The following GOLT1A variants were observed in gnomAD, a reference collection of about 807,000 sequenced individuals.
GOLT1A encodes vesicle transport protein GOT1A.
A neutral mutation model predicts 16.1 loss-of-function variants in GOLT1A; 10 were observed. The observed-to-expected ratio is 0.62, with a 90% CI of 0.38 to 1.05. The LOEUF (loss-of-function observed/expected upper bound fraction) is 1.05, where lower values mean the gene tolerates loss of function less well. Among genes scored for constraint, GOLT1A ranks in the 50% least tolerant of loss-of-function variants. The pLI, the probability that GOLT1A is intolerant of heterozygous loss-of-function variation, is 0.01. For synonymous variants in GOLT1A, 60 were observed against 67.9 expected, an observed-to-expected ratio of 0.88 and a Z score of 0.57; for missense variants, 137 against 165.7, an observed-to-expected ratio of 0.83 and a Z score of 0.95.
At chr1:204,202,847 T>C in intron 2 of GOLT1A, 49 bp downstream of exon 2, 1 of 1,343,552 alleles carries the variant, frequency 7.4e-7, no homozygotes, top group Non-Finnish European at 1.1e-6. Flanking sequence ...AATAGAGACT[T>C]CAGAAAGGTT....
In GOLT1A at chr1:204,201,186, C is replaced by T. The variant is rs962759705; in HGVS notation, c.296+447G>A. Among the ~76,000 whole-genome samples the T allele has an allele frequency of 7.5e-4, 114 of 152,226 alleles. 3 individuals carry two copies. The highest frequency in any genetic ancestry group is 1.9e-4 in the Non-Finnish European group (13 of 68,046). Reference sequence around the variant, plus strand: ...CCTGGGTTAAGGGCGACCTTTTTCACATACTAGTTTGAGACTTTGGGCCGG... The same window carrying T: ...CCTGGGTTAAGGGCGACCTTTTTCATATACTAGTTTGAGACTTTGGGCCGG... On this transcript the variant is annotated intron_variant, in intron 3 of 4. Transcript: ENST00000308302.
At chr1:204,205,635 A>G (rs1398413962) in intron 1 of GOLT1A, among the ~76,000 whole-genome samples, 2 of 152,266 alleles carry the variant, frequency 1.3e-5, no homozygotes, top group Non-Finnish European at 2.9e-5. Flanking sequence ...TTTTATTTAC[A>G]ACTGAAAGAA....
chr1:204,208,775 T>C (rs1659094308), intron 1 of GOLT1A, among the ~76,000 whole-genome samples: 1 of 151,708 alleles, frequency 6.6e-6, no homozygotes, highest in African/African-American at 2.4e-5. Flanking sequence ...GGGTGATGGG[T>C]GCACCAAAAT....
chr1:204,206,100 A>G (rs1200542733), intron 1 of GOLT1A, among the ~76,000 whole-genome samples: 1 of 152,206 alleles, frequency 6.6e-6, no homozygotes, highest in East Asian at 1.9e-4. Context: ...AAATACAGTG[A>G]TAAGATCTAG....
chr1:204,208,383 T>C (rs12098013), intron 1 of GOLT1A, among the ~76,000 whole-genome samples: 90 of 85,050 alleles, frequency 1.1e-3, no homozygotes, highest in Non-Finnish European at 2.9e-4. Context: ...TATACACATA[T>C]ACACACATAT....
intron 1 of GOLT1A, among the ~76,000 whole-genome samples, chr1:204,204,530 T>C (rs1182821095): frequency 6.6e-6 from 1 of 152,252 alleles, no homozygotes; most frequent in Non-Finnish European, 1.5e-5. Flanking sequence ...ACCCTGCATT[T>C]TGTTGATCCA....
intron 3 of GOLT1A, among the ~76,000 whole-genome samples, chr1:204,199,501 G>A (rs1284337462): frequency 6.6e-6 from 1 of 152,094 alleles, no homozygotes; most frequent in Non-Finnish European, 1.5e-5. Flanking sequence ...ATACACTTGG[G>A]CAAATTCCTT....
intron 3 of GOLT1A, among the ~76,000 whole-genome samples, chr1:204,200,880 C>A (rs531161219): frequency 1.3e-5 from 2 of 152,294 alleles, no homozygotes; most frequent in Non-Finnish European, 2.9e-5. Context: ...TCCACACCAC[C>A]GTGTAGACAT....
intron 3 of GOLT1A, among the ~76,000 whole-genome samples, chr1:204,200,503 T>C (rs1167115652): frequency 6.6e-6 from 1 of 151,354 alleles, no homozygotes; most frequent in Non-Finnish European, 1.5e-5. Flanking sequence ...TTTTTTTGTA[T>C]TTTTAGTAGA....
intron 1 of GOLT1A, among the ~76,000 whole-genome samples, chr1:204,210,278 A>T (rs1290833850): frequency 6.6e-6 from 1 of 152,032 alleles, no homozygotes; most frequent in Non-Finnish European, 1.5e-5. Flanking sequence ...TTTTCTTCCT[A>T]CTGCTCTAAC....
At chr1:204,201,545 T>C in intron 3 of GOLT1A, 88 bp downstream of exon 3, 1 of 1,343,272 alleles carries the variant, frequency 7.4e-7, no homozygotes, top group Middle Eastern at 2.2e-4. Context: ...CAGGATAAAG[T>C]CCCAGCTTCT....
intron 4 of GOLT1A, chr1:204,198,977 A>G (rs2102333722): frequency 7.0e-6 from 4 of 574,536 alleles, no homozygotes; most frequent in South Asian, 2.2e-5. Context: ...ACACTCAGCT[A>G]CAACTGCGTC....
Position 204,198,450 on chromosome 1 carries a change from T to C in GOLT1A, c.*8A>G, listed in dbSNP as rs1350415216. 1 of 1,613,378 alleles carries C rather than the reference T, an allele frequency of 6.2e-7. No homozygotes were observed. The highest frequency in any genetic ancestry group is 8.5e-7 in the Non-Finnish European group (1 of 1,179,608). On this transcript the variant is annotated 3_prime_UTR_variant, in exon 5 of 5. Coordinates refer to ENST00000308302, the MANE Select transcript of GOLT1A (RefSeq NM_198447.2). Reference sequence around the variant, plus strand: ...ATGATCCAAGTTCAAGGAGCTCATCTCTGTTTTTCAGACCATCGAGCTAGT... The same window carrying C: ...ATGATCCAAGTTCAAGGAGCTCATCCCTGTTTTTCAGACCATCGAGCTAGT...
rs12094765 is a variant in GOLT1A, at chr1:204,208,345, C to T, written c.26-5358G>A. Among the ~76,000 whole-genome samples, 10 of 83,812 alleles carry T rather than the reference C, an allele frequency of 1.2e-4. No individual in the cohort carries two copies. In the East Asian group the frequency reaches 2.9e-3, roughly 25 times the overall value. 55.0% of individuals were successfully genotyped at this position (83,812 alleles called of 152,430 possible). A position where few individuals can be genotyped will look rare whatever the true frequency, so the allele number is the denominator to read the frequency against. On this transcript the variant is annotated intron_variant, in intron 1 of 4. Transcript: ENST00000308302. ...ATACATATATATGTATACATATATA[C>T]ACACATGTATGTATATATGTGTGTA...
At chr1:204,198,561 A>T in intron 4 of GOLT1A, 65 bp from the exon 5 acceptor site, 3 of 1,490,246 alleles carry the variant, frequency 2.0e-6, no homozygotes, top group Non-Finnish European at 2.8e-6. Context: ...TCTAGTTATT[A>T]CAGAGCTGGC....
In GOLT1A at chr1:204,198,233, C is replaced by T. The variant is rs1247997833; in HGVS notation, c.*225G>A. 5.5e-6 allele frequency: 3 copies of T among 549,868 alleles called. No individual in the cohort carries two copies. The highest frequency in any genetic ancestry group is 3.4e-5 in the Admixed American group (1 of 29,344). 34.1% of individuals were successfully genotyped at this position (549,868 alleles called of 1,614,324 possible). A position where few individuals can be genotyped will look rare whatever the true frequency, so the allele number is the denominator to read the frequency against. ...ATATAGAGTGAGGGTGTGATACCAG[C>T]CCCAGCCCAGTCTCCTTGGGGTCTG... On this transcript the variant is annotated 3_prime_UTR_variant, in exon 5 of 5. Coordinates refer to ENST00000308302, the MANE Select transcript of GOLT1A (RefSeq NM_198447.2).
chr1:204,205,658 T>A (rs1001447992), intron 1 of GOLT1A, among the ~76,000 whole-genome samples: 1 of 152,196 alleles, frequency 6.6e-6, no homozygotes, highest in Non-Finnish European at 1.5e-5. Context: ...TGAAACAACA[T>A]AATCATCTTC....
At chr1:204,199,121 T>C (rs2102333829) in intron 4 of GOLT1A, 74 bp downstream of exon 4, 1 of 1,342,014 alleles carries the variant, frequency 7.5e-7, no homozygotes, top group East Asian at 2.5e-5. Context: ...GCAGCAGTTT[T>C]ACCAGCTCCC....
At chr1:204,203,888 A>G (rs1041268706) in intron 1 of GOLT1A, among the ~76,000 whole-genome samples, 6 of 152,170 alleles carry the variant, frequency 3.9e-5, no homozygotes, top group African/African-American at 1.4e-4. Context: ...TTGAAGCTGC[A>G]GGAGTTCACT....
Sources: allele counts gnomAD v4.1 joint callset (sites outside exome capture counted in the v4.1 genomes callset), GRCh38; gene constraint gnomAD v4.1.1; transcripts MANE v1.5; gene names NCBI Gene and HGNC (gene_info 2026-07-23, HGNC 2026-07-21).